The following CENPF variants were observed in gnomAD, a reference collection of about 807,000 sequenced individuals.
The protein encoded by CENPF is AH antigen.
A neutral mutation model predicts 307.3 loss-of-function variants in CENPF; 214 were observed. That is an observed-to-expected ratio of 0.70 (90% CI 0.62 to 0.78). CENPF has a LOEUF of 0.78. CENPF is among the 30% of genes least tolerant of loss of function. The pLI, the probability that CENPF is intolerant of heterozygous loss-of-function variation, is 0.00. For synonymous variants in CENPF, 1,259 were observed against 1,270.6 expected (o/e 0.99, Z 0.19); for missense variants, 3,401 against 3,483.9 (o/e 0.98, Z 0.60).
chr1:214,628,428 G>A (rs747988394), intron 7 of CENPF, among the ~76,000 whole-genome samples: 66 of 151,642 alleles, frequency 4.4e-4, no homozygotes, highest in Non-Finnish European at 8.2e-4. Flanking sequence ...CATCATTTGA[G>A]CAGTGACTTT....
chr1:214,655,398 A>G lies in CENPF; in HGVS notation c.8480A>G (p.Lys2827Arg), dbSNP rs370503334. The change falls in exon 17 of 20, where the codon AAA becomes AGA. Residue 2827 changes from lysine to arginine, a missense_variant. Transcript: ENST00000366955. ...CTTCAAGCTGCACAGGAGAAGCAGAAAACAGGTGGGTGTTAACTGGGGCAC... is the reference window on the plus strand; with the variant it reads ...CTTCAAGCTGCACAGGAGAAGCAGAGAACAGGTGGGTGTTAACTGGGGCAC... ...SQLQAAQEKQ[K>R]TGTVMDTKVD... The G allele has an allele frequency of 5.0e-6, 8 of 1,587,572 alleles. No homozygotes were observed. Among genetic ancestry groups the G allele is most frequent in the Admixed American group, 1.8e-5 (1 of 54,814 alleles).
At chr1:214,648,951 C>A in intron 14 of CENPF, 124 bp downstream of exon 14, 1 of 945,784 alleles carries the variant, frequency 1.1e-6, no homozygotes. Context: ...AAAAAATAAC[C>A]CTGTGCTTAT....
Position 214,659,273 on chromosome 1 carries a change from C to T in CENPF, c.9141+245C>T, listed in dbSNP as rs1045701338. On this transcript the variant is annotated intron_variant, in intron 19 of 19. Transcript: ENST00000366955. The surrounding 1 kb of genome is among the most constrained non-coding windows in gnomAD (Gnocchi z 4.4). ...AGTTTGATGGAAAATGGCATTGTTA[C>T]ATCAAAACTCAGTGGATTTCTAAGA... is the stretch of plus-strand genomic sequence containing the variant. Among the ~76,000 whole-genome samples the T allele has an allele frequency of 3.9e-5, 6 of 152,064 alleles. No individual in the cohort carries two copies. Among genetic ancestry groups the T allele is most frequent in the East Asian group, 3.9e-4 (2 of 5,192 alleles).
intron 3 of CENPF, among the ~76,000 whole-genome samples, chr1:214,616,691 C>G (rs920237573): frequency 6.6e-6 from 1 of 151,986 alleles, no homozygotes; most frequent in Non-Finnish European, 1.5e-5. Flanking sequence ...ACTGTAAGCT[C>G]AGATGTGGTG....
At chr1:214,608,592 C>G in intron 1 of CENPF, 1 of 1,609,326 alleles carries the variant, frequency 6.2e-7, no homozygotes, top group Non-Finnish European at 8.5e-7. Flanking sequence ...CAATGGTGTC[C>G]AGCTCGCGCT....
chr1:214,619,179 C>A lies in CENPF; in HGVS notation c.532C>A (p.Arg178=), dbSNP rs199800194. ...KEKYNKEVEE[R]KRLEAEVKAL... is the part of the protein sequence containing the mutation. ...AAAATATAATAAAGAGGTTGAAGAA[C>A]GAAAAAGATTAGAGGCAGAGGTTAA... is the stretch of plus-strand genomic sequence containing the variant. Residue 178 remains arginine, a synonymous_variant, in exon 5 of 20, where the codon CGA becomes AGA. Coordinates refer to ENST00000366955, the MANE Select transcript of CENPF (RefSeq NM_016343.4). The A allele has an allele frequency of 6.3e-7, 1 of 1,586,460 alleles. No homozygotes were observed. The highest frequency in any genetic ancestry group is 8.6e-7 in the Non-Finnish European group (1 of 1,158,674).
intron 7 of CENPF, among the ~76,000 whole-genome samples, chr1:214,622,935 G>A (rs1488739343): frequency 6.6e-6 from 1 of 152,138 alleles, no homozygotes; most frequent in Non-Finnish European, 1.5e-5. Flanking sequence ...AAAAAGGCCG[G>A]GCACCTGTGG....
chr1:214,640,962 A>C lies in CENPF; in HGVS notation c.2624A>C (p.Gln875Pro), dbSNP rs1658095059. 1.2e-6 allele frequency: 2 copies of C among 1,603,190 alleles called. No individual in the cohort carries two copies. The highest frequency in any genetic ancestry group is 1.7e-6 in the Non-Finnish European group (2 of 1,177,404). The change falls in exon 12 of 20, where the codon CAA becomes CCA. Residue 875 changes from glutamine (Q) to proline (P), a missense_variant. Gln to Pro is a moderately conservative substitution (Grantham distance 76). Coordinates refer to ENST00000366955, the MANE Select transcript of CENPF (RefSeq NM_016343.4). ...ENLMKAEQMH[Q>P]SFVAETSQRI... is the part of the protein sequence containing the mutation. Reference sequence around the variant, plus strand: ...CTCATGAAAGCAGAACAGATGCATCAAAGTTTTGTGGCTGAAACAAGTCAG... The same window carrying C: ...CTCATGAAAGCAGAACAGATGCATCCAAGTTTTGTGGCTGAAACAAGTCAG...
At chr1:214,621,035 T>TA in intron 6 of CENPF, 89 bp downstream of exon 6, 4 of 1,308,062 alleles carry the variant, frequency 3.1e-6, no homozygotes, top group Non-Finnish European at 4.2e-6. Context: ...ATAAAGTGCT[T>TA]ATGTGTTTTG....
intron 15 of CENPF, among the ~76,000 whole-genome samples, chr1:214,652,181 G>A (rs1190931338): frequency 8.0e-5 from 12 of 149,258 alleles, no homozygotes; most frequent in Admixed American, 7.4e-4. Context: ...GACTACAGGT[G>A]CCCGCCACCA....
Position 214,644,569 on chromosome 1 carries a change from C to T in CENPF, c.4999C>T (p.Arg1667Ter), listed in dbSNP as rs375014198. Residue 1667 changes from arginine (R) to a stop codon, truncating the protein, a stop_gained, in exon 13 of 20, where the codon CGA (arginine) becomes TGA (stop). Transcript: ENST00000366955. LOFTEE classifies it high-confidence loss of function. Reference sequence around the variant, plus strand: ...ATTATAATTACAGGCTATTCAAGGCCGAAATGAGAGCTGTGACATATCAAA... The same window carrying T: ...ATTATAATTACAGGCTATTCAAGGCTGAAATGAGAGCTGTGACATATCAAA... ...GIDTEDAIQG[R>*]NESCDISKEH... is the part of the protein sequence containing the mutation. The T allele has an allele frequency of 5.8e-5, 92 of 1,590,114 alleles. No homozygotes were observed. Among genetic ancestry groups the T allele is most frequent in the South Asian group, 9.1e-5 (8 of 87,722 alleles).
intron 3 of CENPF, among the ~76,000 whole-genome samples, chr1:214,617,026 CTTTCTTTCTTTCTTCTT>C (rs1657379489): frequency 7.1e-6 from 1 of 140,070 alleles, no homozygotes; most frequent in African/African-American, 2.6e-5. Context: ...TTCTCTTTCT[CTTTCTTTCTTTCTTCTT>C]TTTCTTTTTC....
At chr1:214,604,350 C>T (rs1656966790) in intron 1 of CENPF, among the ~76,000 whole-genome samples, 1 of 152,180 alleles carries the variant, frequency 6.6e-6, no homozygotes, top group Non-Finnish European at 1.5e-5. Context: ...TCTTCACTCC[C>T]CACCTCGATT....
intron 1 of CENPF, chr1:214,606,108 G>C: frequency 6.4e-7 from 1 of 1,574,334 alleles, no homozygotes; most frequent in Non-Finnish European, 8.6e-7. Flanking sequence ...GGTCAGCCGC[G>C]GCCTCCGACG....
chr1:214,640,396 A>G lies in CENPF; in HGVS notation c.2058A>G (p.Leu686=). 2 of 1,614,064 alleles carry G rather than the reference A, an allele frequency of 1.2e-6. No homozygotes were observed. Among genetic ancestry groups the G allele is most frequent in the South Asian group, 2.2e-5 (2 of 91,068 alleles). ...SVEIRNLHNV[L]DSKSVEVETQ... is the part of the protein sequence containing the mutation. The stretch of plus-strand genomic sequence containing the variant: ...AGATCAGAAACCTTCACAACGTGTT[A>G]GACAGTAAGTCAGTGGAGGTAGAGA... The change falls in exon 12 of 20, where the codon TTA becomes TTG. Residue 686 remains leucine (L), a synonymous_variant. Transcript: ENST00000366955.
In CENPF at chr1:214,652,975, T is replaced by C. The variant is rs772456917; in HGVS notation, c.8308T>C (p.Leu2770=). The C allele has an allele frequency of 2.5e-6, 4 of 1,604,422 alleles. No individual in the cohort carries two copies. Among genetic ancestry groups the C allele is most frequent in the Admixed American group, 3.5e-5 (2 of 57,670 alleles). The change falls in exon 16 of 20, where the codon TTG becomes CTG. Residue 2770 remains leucine (L), a synonymous_variant. Transcript: ENST00000366955. Reference sequence around the variant, plus strand: ...AGCTACTACTCAGATTTTGGAAGAATTGAAGAAAACCAAGGTATGTTCACT... The same window carrying C: ...AGCTACTACTCAGATTTTGGAAGAACTGAAGAAAACCAAGGTATGTTCACT... ...LKATTQILEE[L]KKTKMDNLKY...
Position 214,644,916 on chromosome 1 carries a change from G to T in CENPF, c.5346G>T (p.Glu1782Asp), listed in dbSNP as rs372338929. The change falls in exon 13 of 20, where the codon GAG becomes GAT. Residue 1782 changes from glutamate to aspartate, a missense_variant. Coordinates refer to ENST00000366955, the MANE Select transcript of CENPF (RefSeq NM_016343.4). The part of the protein sequence containing the change: ...LQLRVKETSN[E>D]NLRLLHVIED... ...TGCGGGTAAAAGAGACATCAAATGA[G>T]AATTTGAGATTACTTCATGTGATAG... 6.2e-7 allele frequency: 1 copy of T among 1,613,742 alleles called. No homozygotes were observed. Among genetic ancestry groups the T allele is most frequent in the Non-Finnish European group, 8.5e-7 (1 of 1,179,906 alleles).
At chr1:214,620,503 C>G (rs1657474659) in intron 5 of CENPF, 152 bp from the exon 6 acceptor site, 10 of 787,372 alleles carry the variant, frequency 1.3e-5, no homozygotes, top group Non-Finnish European at 2.1e-5. Flanking sequence ...GGGTATTAGA[C>G]TTATGGTTTA....
Position 214,608,172 on chromosome 1 carries a change from G to C in CENPF, c.-42+4851G>C, listed in dbSNP as rs150010650. 3,536 of 878,854 alleles carry C rather than the reference G, an allele frequency of 4.0e-3. 90 individuals are homozygous for C. The African/African-American group carries it at 0.053, about 13-fold the overall frequency. 54.4% of individuals were successfully genotyped at this position (878,854 alleles called of 1,614,324 possible). ...CCTGCACACCCAAGCTCGCCTGTCCGGCTCTCTGGCCCTGTGCATCCACTG... is the reference window on the plus strand; with the variant it reads ...CCTGCACACCCAAGCTCGCCTGTCCCGCTCTCTGGCCCTGTGCATCCACTG... On this transcript the variant is annotated intron_variant, in intron 1 of 19. Coordinates refer to ENST00000366955, the MANE Select transcript of CENPF (RefSeq NM_016343.4).
Sources: gnomAD v4.1 joint callset for allele counts (sites outside exome capture counted in the v4.1 genomes callset) on GRCh38, gnomAD v4.1.1 for gene constraint, Gnocchi (gnomAD v3.1) non-coding constraint, MANE v1.5 for transcripts, NCBI Gene and HGNC (gene_info 2026-07-23, HGNC 2026-07-21) for gene names.